KIF20B: variants seen among roughly 807,000 people sequenced by gnomAD.
KIF20B encodes kinesin family member 20B.
KIF20B carries 188 observed loss-of-function variants against 232.5 expected under a neutral mutation model. That is an observed-to-expected ratio of 0.81 (90% CI 0.72 to 0.91). KIF20B has a LOEUF of 0.91. Ranked by LOEUF, KIF20B falls within the 40% of genes least tolerant of loss-of-function variation. The pLI is 0.00. For missense variants in KIF20B, 2,154 were observed against 2,055.9 expected, an observed-to-expected ratio of 1.05 and a Z score of -0.92; for synonymous variants, 712 against 683.0, an observed-to-expected ratio of 1.04 and a Z score of -0.66.
intron 2 of KIF20B, among the ~76,000 whole-genome samples, chr10:89,707,107 G>A (rs1397522205): frequency 2.0e-5 from 3 of 152,058 alleles, no homozygotes; most frequent in East Asian, 1.9e-4. Flanking sequence ...GAGGCCTTTC[G>A]TGTCTTTTGT....
At chr10:89,711,626 T>A (rs983591137) in intron 6 of KIF20B, among the ~76,000 whole-genome samples, 1 of 152,122 alleles carries the variant, frequency 6.6e-6, no homozygotes, top group Non-Finnish European at 1.5e-5. Flanking sequence ...ACAAACATGG[T>A]CATATATATG....
chr10:89,736,512 A>T (rs139449030), intron 19 of KIF20B, among the ~76,000 whole-genome samples: 57 of 152,312 alleles, frequency 3.7e-4, no homozygotes, highest in African/African-American at 1.0e-3. Context: ...TAAAGTTCTT[A>T]CATGTATACA....
chr10:89,751,573 T>G, intron 24 of KIF20B, 102 bp downstream of exon 24: 1 of 1,077,690 alleles, frequency 9.3e-7, no homozygotes, highest in Non-Finnish European at 1.3e-6. Flanking sequence ...TTTCAGTGAT[T>G]GATAATGGAA....
chr10:89,740,429 T>C (rs946779231), intron 21 of KIF20B, among the ~76,000 whole-genome samples: 1 of 152,106 alleles, frequency 6.6e-6, no homozygotes, highest in African/African-American at 2.4e-5. Flanking sequence ...CTCAGTGTGC[T>C]CACCAAGTGG....
At position 89,738,032 on chromosome 10, in the gene KIF20B, G is replaced by A; in HGVS notation, c.3191G>A (p.Cys1064Tyr). ...AGTATTGAAGCTATTTGGGAAGAATGTAAAGAGATTGTGAAGGCCTCTTCC... is the reference window on the plus strand; with the variant it reads ...AGTATTGAAGCTATTTGGGAAGAATATAAAGAGATTGTGAAGGCCTCTTCC... ...HSSIEAIWEECKEIVKASSKK... is the reference protein window; with the variant it reads ...HSSIEAIWEEYKEIVKASSKK... Residue 1064 changes from cysteine (C) to tyrosine (Y), a missense_variant, in exon 20 of 33, where the codon TGT becomes TAT. Transcript: ENST00000371728. 2 of 1,613,458 alleles carry A rather than the reference G, an allele frequency of 1.2e-6. No homozygotes were observed. Among genetic ancestry groups the A allele is most frequent in the Non-Finnish European group, 8.5e-7 (1 of 1,179,612 alleles).
chr10:89,718,926 T>C (rs1363641527), intron 12 of KIF20B, 54 bp downstream of exon 12: 33 of 1,142,498 alleles, frequency 2.9e-5, no homozygotes, highest in Non-Finnish European at 2.9e-5. Flanking sequence ...CAGTTTTTCT[T>C]GAAATAAATA....
Position 89,725,109 on chromosome 10 carries a change from C to T in KIF20B, c.1952C>T (p.Thr651Ile). ...IFKDLVGKCDTREEAAKDICA... is the reference protein window; with the variant it reads ...IFKDLVGKCDIREEAAKDICA... The stretch of plus-strand genomic sequence containing the variant: ...AAGGATTTGGTTGGTAAATGTGACA[C>T]TCGAGAAGAAGCAGCGAAAGACATT... The change falls in exon 15 of 33, where the codon ACT (threonine) becomes ATT (isoleucine). Residue 651 changes from threonine to isoleucine, a missense_variant. Physicochemically the swap from Thr to Ile is moderately conservative, Grantham distance 89. Coordinates refer to ENST00000371728, the MANE Select transcript of KIF20B (RefSeq NM_001284259.2). 1.2e-6 allele frequency: 2 copies of T among 1,613,970 alleles called. No homozygotes were observed. The highest frequency in any genetic ancestry group is 1.7e-6 in the Non-Finnish European group (2 of 1,179,930).
intron 26 of KIF20B, among the ~76,000 whole-genome samples, chr10:89,755,137 C>G (rs2133156775): frequency 6.6e-6 from 1 of 152,048 alleles, no homozygotes; most frequent in African/African-American, 2.4e-5. Context: ...TTCTTTTTTT[C>G]TAATTGGCAC....
At chr10:89,743,474 A>C (rs1469047853) in intron 21 of KIF20B, among the ~76,000 whole-genome samples, 1 of 152,166 alleles carries the variant, frequency 6.6e-6, no homozygotes, top group Non-Finnish European at 1.5e-5. Context: ...TTTCTCTCAG[A>C]ATATCTTTAT....
chr10:89,769,728 G>A (rs7095818), intron 31 of KIF20B, among the ~76,000 whole-genome samples: 46,841 of 151,708 alleles, frequency 0.31, 8,134 homozygotes, highest in African/African-American at 0.46. Flanking sequence ...CACAGGTGGA[G>A]TATCAGAAAA....
intron 1 of KIF20B, among the ~76,000 whole-genome samples, 194 bp downstream of exon 1, chr10:89,701,874 TA>T (rs1842617262): frequency 1.3e-5 from 2 of 152,232 alleles, no homozygotes. Context: ...TGAGTCATAC[TA>T]ATTCGGTTAC....
In KIF20B at chr10:89,737,503, A is replaced by C. The variant is rs1170724152; in HGVS notation, c.2662A>C (p.Arg888=). ...RVLQENNEGL[R]AFLLTIENEL... is the part of the protein sequence containing the mutation. ...TTTACAAGAAAATAATGAAGGACTG[A>C]GAGCATTTTTACTCACTATTGAGAA... The change falls in exon 20 of 33, where the codon AGA becomes CGA. Residue 888 remains arginine (R), a synonymous_variant. Coordinates refer to ENST00000371728, the MANE Select transcript of KIF20B (RefSeq NM_001284259.2). 14 of 1,610,898 alleles carry C rather than the reference A, an allele frequency of 8.7e-6. No individual in the cohort carries two copies. The highest frequency in any genetic ancestry group is 1.2e-5 in the Non-Finnish European group (14 of 1,178,372).
intron 1 of KIF20B, among the ~76,000 whole-genome samples, chr10:89,703,307 G>A (rs527288210): frequency 4.6e-5 from 7 of 152,244 alleles, no homozygotes; most frequent in South Asian, 2.1e-4. Flanking sequence ...CTATGTTCTT[G>A]TGATACGTTT....
At chr10:89,721,440 G>T (rs148131548) in intron 13 of KIF20B, among the ~76,000 whole-genome samples, 2 of 152,158 alleles carry the variant, frequency 1.3e-5, no homozygotes, top group Non-Finnish European at 2.9e-5. Flanking sequence ...GGGAAGCTGA[G>T]GTAGGAGGAT....
chr10:89,743,992 A>G (rs545551075), intron 22 of KIF20B, 65 bp downstream of exon 22: 115 of 1,401,418 alleles, frequency 8.2e-5, no homozygotes, highest in Non-Finnish European at 9.5e-5. Context: ...GTGTACAAAA[A>G]GGTACAAATT....
At chr10:89,747,401 A>G (rs1841936081) in intron 23 of KIF20B, among the ~76,000 whole-genome samples, 1 of 152,076 alleles carries the variant, frequency 6.6e-6, no homozygotes, top group South Asian at 2.1e-4. Context: ...TACCCAAAGG[A>G]CTATAAATCA....
chr10:89,764,674 T>G (rs1340235887), intron 29 of KIF20B, among the ~76,000 whole-genome samples: 4 of 151,878 alleles, frequency 2.6e-5, no homozygotes, highest in Non-Finnish European at 4.4e-5. Flanking sequence ...TCATGTGTTT[T>G]TTGGCTGCAT....
chr10:89,704,398 A>G (rs1842678898), intron 1 of KIF20B, among the ~76,000 whole-genome samples: 1 of 152,064 alleles, frequency 6.6e-6, no homozygotes, highest in South Asian at 2.1e-4. Context: ...TAGTTTAGTG[A>G]TTTGATGTTT....
At chr10:89,739,639 C>A (rs999508137) in intron 21 of KIF20B, among the ~76,000 whole-genome samples, 2 of 149,486 alleles carry the variant, frequency 1.3e-5, no homozygotes, top group Non-Finnish European at 3.0e-5. Context: ...CGTACTTAGA[C>A]CTTCTCTAAA....
Sources: gnomAD v4.1 joint callset for allele counts (sites outside exome capture counted in the v4.1 genomes callset) on GRCh38, gnomAD v4.1.1 for gene constraint, MANE v1.5 for transcripts, NCBI Gene and HGNC (gene_info 2026-07-23, HGNC 2026-07-21) for gene names.